Variants in PPP2R2B observed in about 807,000 individuals in gnomAD.
The protein encoded by PPP2R2B is protein phosphatase 2 regulatory subunit Bbeta.
Under a neutral mutation model 46.0 loss-of-function variants are expected in PPP2R2B, and 5 were observed. That is an observed-to-expected ratio of 0.11 (90% confidence interval 0.06 to 0.23). PPP2R2B has a LOEUF of 0.23. Ranked by LOEUF, PPP2R2B falls within the 10% of genes least tolerant of loss-of-function variation. PPP2R2B has a pLI of 1.00. For synonymous variants in PPP2R2B, 215 were observed against 206.7 expected (o/e 1.04, Z -0.34); for missense variants, 367 against 575.0 (o/e 0.64, Z 3.70).
At chr5:146,894,884 C>T (rs1029740813) in intron 1 of PPP2R2B, among the ~76,000 whole-genome samples, 3 of 152,184 alleles carry the variant, frequency 2.0e-5, no homozygotes, top group Non-Finnish European at 4.4e-5. Context: ...ACATCTTTTT[C>T]TCTCCTGTAA....
At chr5:146,770,406 T>C (rs1404310900) in intron 2 of PPP2R2B, among the ~76,000 whole-genome samples, 1 of 145,468 alleles carries the variant, frequency 6.9e-6, no homozygotes, top group East Asian at 2.0e-4. Flanking sequence ...CACTAAAAAA[T>C]TATTGCAATT....
intron 2 of PPP2R2B, among the ~76,000 whole-genome samples, chr5:146,747,107 G>A (rs147781486): frequency 3.9e-5 from 6 of 152,214 alleles, no homozygotes; most frequent in African/African-American, 1.4e-4. Flanking sequence ...ATTTTAAGAG[G>A]AGCTTCCCAA....
chr5:146,717,487 T>C (rs963066730), intron 2 of PPP2R2B, among the ~76,000 whole-genome samples: 3 of 152,220 alleles, frequency 2.0e-5, no homozygotes, highest in African/African-American at 7.2e-5. Flanking sequence ...TGCAAAGTTC[T>C]TGGGGAATAA....
chr5:147,019,515 G>T (rs1351918489), intron 1 of PPP2R2B, among the ~76,000 whole-genome samples: 1 of 152,154 alleles, frequency 6.6e-6, no homozygotes, highest in Admixed American at 6.6e-5. Context: ...TGACCTGAAT[G>T]AAAGGATTGA....
intron 1 of PPP2R2B, among the ~76,000 whole-genome samples, chr5:147,020,005 T>A (rs1293626279): frequency 2.0e-5 from 3 of 152,110 alleles, no homozygotes; most frequent in Non-Finnish European, 4.4e-5. Context: ...GCTCTGGGCC[T>A]CCCTATTAAC....
intron 1 of PPP2R2B, among the ~76,000 whole-genome samples, chr5:146,887,108 T>C (rs985735824): frequency 5.3e-5 from 8 of 152,104 alleles, no homozygotes; most frequent in Non-Finnish European, 1.0e-4. Context: ...ATTTGAATTT[T>C]TTGAAGATAA....
At chr5:146,975,291 T>G (rs1429312999) in intron 1 of PPP2R2B, among the ~76,000 whole-genome samples, 4 of 152,220 alleles carry the variant, frequency 2.6e-5, no homozygotes, top group African/African-American at 9.7e-5. Context: ...TATTTTGCTT[T>G]GCATATTTTC....
chr5:146,822,675 T>G (rs1239731857), intron 2 of PPP2R2B, among the ~76,000 whole-genome samples: 1 of 152,208 alleles, frequency 6.6e-6, no homozygotes, highest in Non-Finnish European at 1.5e-5. Flanking sequence ...AATTCTCATT[T>G]GCTTTGTGGG....
At chr5:146,788,671 CA>C (rs1756000907) in intron 2 of PPP2R2B, among the ~76,000 whole-genome samples, 1 of 152,178 alleles carries the variant, frequency 6.6e-6, no homozygotes, top group Non-Finnish European at 1.5e-5. Flanking sequence ...GCAGATGTTG[CA>C]GTGGTCCGAG....
At chr5:146,665,046 G>C (rs1046565649) in intron 5 of PPP2R2B, among the ~76,000 whole-genome samples, 2 of 152,180 alleles carry the variant, frequency 1.3e-5, no homozygotes, top group African/African-American at 4.8e-5. Flanking sequence ...TTAGAGCACA[G>C]GCAGAATAGA....
At chr5:146,966,340 T>A (rs1306235504) in intron 1 of PPP2R2B, among the ~76,000 whole-genome samples, 1 of 152,220 alleles carries the variant, frequency 6.6e-6, no homozygotes, top group Admixed American at 6.5e-5. Flanking sequence ...TTGTCCACAC[T>A]GATTTCAGCT....
intron 5 of PPP2R2B, among the ~76,000 whole-genome samples, chr5:146,684,727 T>A (rs1778383142): frequency 6.6e-6 from 1 of 152,230 alleles, no homozygotes; most frequent in South Asian, 2.1e-4. Flanking sequence ...GCCATGGTTA[T>A]CTTCTGTGCT....
At chr5:146,746,167 G>GGGTCC (rs1753179565) in intron 2 of PPP2R2B, among the ~76,000 whole-genome samples, 1 of 152,086 alleles carries the variant, frequency 6.6e-6, no homozygotes, top group Non-Finnish European at 1.5e-5. Flanking sequence ...CAATTAGGCT[G>GGGTCC]GGGACCCAGA....
rs533103514 is a variant in PPP2R2B at position 146,642,924 on chromosome 5, G to T, written c.626-4509C>A. ...ATACAAAAATTAGCCAGGTGTGGTG[G>T]CATGCACCTGTAGTTCCAGCTACTG... On this transcript the variant is annotated intron_variant, in intron 6 of 9. Transcript: ENST00000394411. Among the ~76,000 whole-genome samples, 12 of 152,222 alleles carry T rather than the reference G, an allele frequency of 7.9e-5. No homozygotes were observed. The South Asian group carries it at 1.2e-3, about 16-fold the overall frequency.
At chr5:146,896,899 T>G (rs965631461) in intron 1 of PPP2R2B, among the ~76,000 whole-genome samples, 4 of 152,084 alleles carry the variant, frequency 2.6e-5, no homozygotes, top group Non-Finnish European at 5.9e-5. Flanking sequence ...AGTTCCAGGA[T>G]ATAGAAGTGG....
chr5:147,053,239 C>CA (rs893052947), intron 1 of PPP2R2B, among the ~76,000 whole-genome samples: 64 of 146,958 alleles, frequency 4.4e-4, no homozygotes, highest in African/African-American at 1.5e-3. Flanking sequence ...CACGCGCACA[C>CA]AAAAAAAGCA....
chr5:146,623,990 C>T (rs551922653), intron 7 of PPP2R2B, among the ~76,000 whole-genome samples: 12 of 152,194 alleles, frequency 7.9e-5, no homozygotes, highest in Non-Finnish European at 1.5e-4. Flanking sequence ...ATTACACACA[C>T]GAGAGATCCC....
At chr5:146,676,502 A>G (rs1329760244) in intron 5 of PPP2R2B, among the ~76,000 whole-genome samples, 1 of 152,050 alleles carries the variant, frequency 6.6e-6, no homozygotes. Context: ...TCTGCCTAGA[A>G]CATTCTTTCT....
At chr5:146,884,378 T>C (rs319202) in intron 1 of PPP2R2B, among the ~76,000 whole-genome samples, 5,916 of 152,206 alleles carry the variant, frequency 0.039, 398 homozygotes, top group African/African-American at 0.13. Flanking sequence ...CCTTTCCAGG[T>C]TGGTTATGAA....
Sources: gnomAD v4.1 joint callset for allele counts (sites outside exome capture counted in the v4.1 genomes callset) on GRCh38, gnomAD v4.1.1 for gene constraint, MANE v1.5 for transcripts, NCBI Gene and HGNC (gene_info 2026-07-23, HGNC 2026-07-21) for gene names.